Variants in MOK observed in about 807,000 individuals in gnomAD.
MOK encodes the protein MAPK/MAK/MRK overlapping kinase.
Under a neutral mutation model 54.2 loss-of-function variants are expected in MOK, and 59 were observed. The ratio of observed to expected loss-of-function variants is 1.09; its 90% CI spans 0.88 to 1.35. The LOEUF (loss-of-function observed/expected upper bound fraction) is 1.35, where lower values mean the gene tolerates loss of function less well. Ranked by LOEUF, MOK falls within the 40% of genes most tolerant of loss-of-function variation. The pLI is 0.00. For synonymous variants in MOK, 210 were observed against 202.7 expected (o/e 1.04, Z -0.31); for missense variants, 517 against 526.2 (o/e 0.98, Z 0.17).
At chr14:102,270,069 C>A (rs985931849) in intron 2 of MOK, among the ~76,000 whole-genome samples, 3 of 152,314 alleles carry the variant, frequency 2.0e-5, no homozygotes, top group Non-Finnish European at 2.9e-5. Context: ...GAAAACTTTA[C>A]ACAACATGTT....
At chr14:102,254,276 C>T (rs912312006) in intron 4 of MOK, among the ~76,000 whole-genome samples, 1 of 152,264 alleles carries the variant, frequency 6.6e-6, no homozygotes, top group Admixed American at 6.5e-5. Flanking sequence ...GCTTGAGCCA[C>T]TGCGCCTGGC....
rs906242080 is a variant in MOK at position 102,260,942 on chromosome 14, G to A, written c.283+2604C>T. On this transcript the variant is annotated intron_variant, in intron 4 of 11. Transcript: ENST00000361847. ...TTGAGACCATCCTGGCTAACAAGGT[G>A]AAACCCCGTCTCTACTAAAAATACA... Among the ~76,000 whole-genome samples the A allele has an allele frequency of 9.2e-5, 14 of 151,822 alleles. No individual in the cohort carries two copies. In the South Asian group the frequency reaches 2.9e-3, roughly 32 times the overall value.
intron 2 of MOK, among the ~76,000 whole-genome samples, chr14:102,270,709 GAC>G (rs1363906639): frequency 5.3e-5 from 8 of 152,032 alleles, no homozygotes; most frequent in Non-Finnish European, 1.2e-4. Context: ...TACCAAATCT[GAC>G]ACAAAATAAA....
chr14:102,304,220 AT>A, intron 1 of MOK, among the ~76,000 whole-genome samples: 1 of 152,328 alleles, frequency 6.6e-6, no homozygotes, highest in Non-Finnish European at 1.5e-5. Context: ...AAAGGTCTGA[AT>A]TTTTACTGCA....
At chr14:102,219,342 G>C in the MOK span, among the ~76,000 whole-genome samples, 3 of 152,222 alleles carry the variant, frequency 2.0e-5, no homozygotes, top group Non-Finnish European at 2.9e-5. Flanking sequence ...CCAGTGACTC[G>C]CACAAGTCCT....
chr14:102,225,182 T>A (rs2064194884), downstream of MOK: 1 of 202,362 alleles, frequency 4.9e-6, no homozygotes, highest in Non-Finnish European at 1.0e-5. Context: ...CATCTCAGCC[T>A]CCCGAGTAGC....
chr14:102,281,508 A>G (rs1393798229), intron 2 of MOK, among the ~76,000 whole-genome samples: 6 of 151,156 alleles, frequency 4.0e-5, no homozygotes, highest in Non-Finnish European at 7.4e-5. Flanking sequence ...CAAAAAAAAA[A>G]AAAAAAAAGA....
intron 8 of MOK, chr14:102,233,005 A>C (rs1216883474): frequency 8.7e-6 from 2 of 229,890 alleles, no homozygotes; most frequent in Non-Finnish European, 1.7e-5. Flanking sequence ...GAAACCTAAA[A>C]CTGCTCTTAA....
At position 102,232,463 on chromosome 14, in the gene MOK, C is replaced by A; in HGVS notation, c.866+72G>T. 2 of 1,522,164 alleles carry A rather than the reference C, an allele frequency of 1.3e-6. No homozygotes were observed. Among genetic ancestry groups the A allele is most frequent in the South Asian group, 2.5e-5 (2 of 79,518 alleles). 94.3% of individuals were successfully genotyped at this position (1,522,164 alleles called of 1,614,324 possible). A position where few individuals can be genotyped will look rare whatever the true frequency, so the allele number is the denominator to read the frequency against. ...GGACCCTCCAGGGGGCAGTACCTTG[C>A]CCCACCATGTGCCCATGGGTCTCAT... On this transcript the variant is annotated intron_variant, in intron 9 of 11. Transcript: ENST00000361847. This position sits in a 1 kb window ranked among gnomAD's most constrained non-coding sequence, Gnocchi z 5.1.
chr14:102,229,908 A>T (rs934552607), intron 10 of MOK: 4 of 486,778 alleles, frequency 8.2e-6, no homozygotes, highest in African/African-American at 7.7e-5. Context: ...TGCGGGCGGC[A>T]AAGGGCTCGC....
intron 4 of MOK, among the ~76,000 whole-genome samples, chr14:102,258,923 G>A (rs979652964): frequency 1.3e-5 from 2 of 152,064 alleles, no homozygotes; most frequent in Admixed American, 6.6e-5. Flanking sequence ...AAAATTAGCC[G>A]GACGTGGTGG....
chr14:102,284,811 C>T (rs1304805005), intron 1 of MOK, among the ~76,000 whole-genome samples: 1 of 152,178 alleles, frequency 6.6e-6, no homozygotes, highest in Non-Finnish European at 1.5e-5. Context: ...GGCGCGGTGG[C>T]TCACGCCTGT....
intron 1 of MOK, among the ~76,000 whole-genome samples, chr14:102,285,346 G>C (rs550953736): frequency 1.3e-5 from 2 of 152,154 alleles, no homozygotes; most frequent in Non-Finnish European, 2.9e-5. Context: ...CCTCCCAAGT[G>C]GCTAGCATGA....
At chr14:102,283,984 T>C (rs2069755949) in intron 1 of MOK, among the ~76,000 whole-genome samples, 1 of 152,172 alleles carries the variant, frequency 6.6e-6, no homozygotes, top group Non-Finnish European at 1.5e-5. Flanking sequence ...CCTCCTGAAA[T>C]TGACCTTCCC....
rs1333456825 is a variant in MOK at position 102,304,954 on chromosome 14, CCACT to C, written c.7+4_7+7del. Reference sequence around the variant, plus strand: ...CCAGTCCCTGCCCCTTTCCCCGGCCCCACTCACTCTTCATCTTGGATGCGGAAGC... The same window carrying C: ...CCAGTCCCTGCCCCTTTCCCCGGCCCCACTCTTCATCTTGGATGCGGAAGC... On this transcript the variant is annotated splice_donor_5th_base_variant and intron_variant, in intron 1 of 11. Transcript: ENST00000361847. The C allele has an allele frequency of 1.2e-6, 2 of 1,609,576 alleles. No individual in the cohort carries two copies. Among genetic ancestry groups the C allele is most frequent in the Non-Finnish European group, 1.7e-6 (2 of 1,178,314 alleles).
chr14:102,229,723 GA>G, intron 10 of MOK, 66 bp from the exon 11 acceptor site: 4 of 1,382,126 alleles, frequency 2.9e-6, no homozygotes, highest in Non-Finnish European at 4.0e-6. Flanking sequence ...TAGGAAAAAC[GA>G]AAGAGGCTCT....
chr14:102,271,774 AT>A (rs760304061), intron 2 of MOK, among the ~76,000 whole-genome samples: 51 of 152,132 alleles, frequency 3.4e-4, no homozygotes, highest in Non-Finnish European at 6.6e-4. Flanking sequence ...GGCCAGGCTA[AT>A]CTCAAACTCC....
At chr14:102,220,112 G>A (rs1311916169), downstream of MOK, among the ~76,000 whole-genome samples, 10 of 152,362 alleles carry the variant, frequency 6.6e-5, no homozygotes, top group South Asian at 2.1e-4. This position sits in a 1 kb window ranked among gnomAD's most constrained non-coding sequence, Gnocchi z 4.2. Flanking sequence ...CGGAAGCAGC[G>A]TGTCCCTCAA....
intron 1 of MOK, among the ~76,000 whole-genome samples, chr14:102,288,910 T>G (rs78756006): frequency 0.054 from 8,279 of 152,236 alleles, 293 homozygotes; most frequent in African/African-American, 0.1. Flanking sequence ...TGTTTTGTTT[T>G]GTTTTGTTTT....
Sources: gnomAD v4.1 joint callset for allele counts (sites outside exome capture counted in the v4.1 genomes callset) on GRCh38, gnomAD v4.1.1 for gene constraint, Gnocchi (gnomAD v3.1) non-coding constraint, MANE v1.5 for transcripts, NCBI Gene and HGNC (gene_info 2026-07-23, HGNC 2026-07-21) for gene names.